Variants in CCDC30 observed in about 807,000 individuals in gnomAD.
CCDC30 encodes the protein coiled-coil domain-containing protein 30.
Under a neutral mutation model 100.2 loss-of-function variants are expected in CCDC30, and 70 were observed. That is an observed-to-expected ratio of 0.70 (90% CI 0.58 to 0.85). The LOEUF (loss-of-function observed/expected upper bound fraction) is 0.85. Ranked by LOEUF, CCDC30 falls within the 40% of genes least tolerant of loss-of-function variation. The pLI is 0.00. For synonymous variants in CCDC30, 233 were observed against 269.5 expected (o/e 0.86, Z 1.33); for missense variants, 652 against 771.2 (o/e 0.85, Z 1.83).
chr1:42,476,422 A>G (rs181939701), intron 1 of CCDC30, among the ~76,000 whole-genome samples: 4 of 152,314 alleles, frequency 2.6e-5, no homozygotes, highest in East Asian at 1.9e-4. Context: ...GTAGGTACAC[A>G]CTTAGGTGCT....
At chr1:42,465,415 A>G (rs1643543156) in intron 1 of CCDC30, among the ~76,000 whole-genome samples, 1 of 152,098 alleles carries the variant, frequency 6.6e-6, no homozygotes, top group Non-Finnish European at 1.5e-5. Flanking sequence ...CCCAGGCTGT[A>G]TTGCAATGGC....
intron 10 of CCDC30, among the ~76,000 whole-genome samples, chr1:42,610,749 T>C (rs754897801): frequency 1.3e-4 from 20 of 152,022 alleles, no homozygotes; most frequent in Non-Finnish European, 2.6e-4. Flanking sequence ...ATAAAGGGAA[T>C]TAGATGCTTA....
At chr1:42,486,180 T>C (rs1289378054) in intron 3 of CCDC30, among the ~76,000 whole-genome samples, 1 of 152,232 alleles carries the variant, frequency 6.6e-6, no homozygotes, top group African/African-American at 2.4e-5. Flanking sequence ...TAAATGTTCA[T>C]AACAATATTA....
intron 6 of CCDC30, among the ~76,000 whole-genome samples, chr1:42,517,952 T>C (rs1203545910): frequency 2.0e-5 from 3 of 152,198 alleles, no homozygotes; most frequent in African/African-American, 7.2e-5. Flanking sequence ...TGTGGCTGTT[T>C]GGGGTCCCTT....
At chr1:42,533,330 GAA>G (rs1644836664) in intron 6 of CCDC30, among the ~76,000 whole-genome samples, 1 of 152,138 alleles carries the variant, frequency 6.6e-6, no homozygotes, top group African/African-American at 2.4e-5. Flanking sequence ...AAAGCAGAAA[GAA>G]AGAAGAAGAA....
chr1:42,539,105 A>C, intron 6 of CCDC30, 68 bp from the exon 8 acceptor site: 1 of 1,264,056 alleles, frequency 7.9e-7, no homozygotes, highest in Non-Finnish European at 1.0e-6. Flanking sequence ...ATTCTTAAAA[A>C]TATTATATCT....
At chr1:42,527,069 G>T (rs1357491478) in intron 6 of CCDC30, among the ~76,000 whole-genome samples, 1 of 152,102 alleles carries the variant, frequency 6.6e-6, no homozygotes, top group Non-Finnish European at 1.5e-5. Flanking sequence ...TGCTCTGAAG[G>T]GTGTAAAGCT....
At chr1:42,552,156 G>A (rs1180329788) in intron 6 of CCDC30, among the ~76,000 whole-genome samples, 3 of 152,074 alleles carry the variant, frequency 2.0e-5, no homozygotes, top group Admixed American at 2.0e-4. Flanking sequence ...TGTATTCCCA[G>A]GTATTGCTAG....
At chr1:42,545,186 A>AAT (rs1645102595) in intron 6 of CCDC30, among the ~76,000 whole-genome samples, 1 of 126,046 alleles carries the variant, frequency 7.9e-6, no homozygotes, top group Non-Finnish European at 1.7e-5. Context: ...AAAAAAAAAA[A>AAT]AAGGGAATTT....
intron 10 of CCDC30, among the ~76,000 whole-genome samples, chr1:42,609,969 G>C (rs1027504126): frequency 6.6e-6 from 1 of 152,114 alleles, no homozygotes; most frequent in Non-Finnish European, 1.5e-5. Flanking sequence ...TGGATATATC[G>C]GTCTTCTGAC....
intron 6 of CCDC30, among the ~76,000 whole-genome samples, chr1:42,514,976 G>A (rs1644533547): frequency 6.6e-6 from 1 of 152,108 alleles, no homozygotes; most frequent in Non-Finnish European, 1.5e-5. Context: ...ATTGTGTCCT[G>A]TACCCTGAAA....
At chr1:42,588,687 G>A (rs1646125227) in intron 9 of CCDC30, among the ~76,000 whole-genome samples, 2 of 152,150 alleles carry the variant, frequency 1.3e-5, no homozygotes, top group African/African-American at 4.8e-5. Flanking sequence ...GCAGTTTCAG[G>A]GAGGGGATGG....
chr1:42,531,762 T>C (rs935479920), intron 6 of CCDC30, among the ~76,000 whole-genome samples: 4 of 152,116 alleles, frequency 2.6e-5, no homozygotes, highest in African/African-American at 9.7e-5. Context: ...ATACTATATA[T>C]ATATAAAATC....
intron 10 of CCDC30, among the ~76,000 whole-genome samples, chr1:42,599,204 CACAT>C (rs890517292): frequency 3.3e-5 from 5 of 152,094 alleles, no homozygotes; most frequent in Admixed American, 3.3e-4. Flanking sequence ...TATATACACA[CACAT>C]ACATACACTT....
intron 6 of CCDC30, among the ~76,000 whole-genome samples, chr1:42,528,268 T>C (rs575751272): frequency 3.3e-5 from 5 of 152,368 alleles, no homozygotes; most frequent in African/African-American, 1.2e-4. Context: ...AGAAATATTT[T>C]TCCAAAGACT....
rs1456870445 is a variant in CCDC30, at chr1:42,467,261, C to G, written c.-92+3363C>G. Among the ~76,000 whole-genome samples, 5 of 152,322 alleles carry G rather than the reference C, an allele frequency of 3.3e-5. No homozygotes were observed. The East Asian group carries it at 9.6e-4, about 29-fold the overall frequency. ...GCAAGTGATTTGCATTCAGGAGGATCAGTCTGGAGTTTTGCTGAGAATGGA... is the reference window on the plus strand; with the variant it reads ...GCAAGTGATTTGCATTCAGGAGGATGAGTCTGGAGTTTTGCTGAGAATGGA... On this transcript the variant is annotated intron_variant, in intron 1 of 16. Transcript: ENST00000668663.
In CCDC30 at chr1:42,553,652, TACACACACAC is replaced by T. The variant is rs60429759; in HGVS notation, c.457-12613_457-12604del. 1.2e-3 allele frequency among the ~76,000 whole-genome samples: 154 copies of T among 133,832 alleles called. No individual in the cohort carries two copies. The East Asian group carries it at 0.022, about 19-fold the overall frequency. 87.8% of individuals were successfully genotyped at this position (133,832 alleles called of 152,430 possible). On this transcript the variant is annotated intron_variant, in intron 6 of 16. Coordinates refer to ENST00000668663, the Ensembl canonical transcript of CCDC30. Reference sequence around the variant, plus strand: ...GCCTGGGTGACAAGGTGAGATTCCATACACACACACACACACACACACACACACACACACA... The same window carrying T: ...GCCTGGGTGACAAGGTGAGATTCCATACACACACACACACACACACACACA...
chr1:42,545,512 C>A, intron 6 of CCDC30: 1 of 1,606,612 alleles, frequency 6.2e-7, no homozygotes, highest in Non-Finnish European at 8.5e-7. Flanking sequence ...CTGTAAAGAT[C>A]CTGAATCTAA....
intron 3 of CCDC30, among the ~76,000 whole-genome samples, chr1:42,489,306 C>A (rs1010773699): frequency 5.9e-5 from 9 of 152,146 alleles, no homozygotes; most frequent in Admixed American, 2.6e-4. Flanking sequence ...ATCTACTTTG[C>A]AGATTTGTTA....
Sources: allele counts gnomAD v4.1 joint callset (sites outside exome capture counted in the v4.1 genomes callset), GRCh38; gene constraint gnomAD v4.1.1; transcripts MANE v1.5; gene names NCBI Gene and HGNC (gene_info 2026-07-23, HGNC 2026-07-21).